The following KCNT2 variants were observed in gnomAD, a reference collection of about 807,000 sequenced individuals.
KCNT2 encodes potassium sodium-activated channel subfamily T member 2.
In KCNT2, 67 loss-of-function variants were observed where a neutral mutation model predicts 153.8. The ratio of observed to expected loss-of-function variants is 0.44; its 90% CI spans 0.36 to 0.53. The LOEUF is 0.53. KCNT2 is among the 20% of genes least tolerant of loss of function. KCNT2 has a pLI of 0.00. For synonymous variants in KCNT2, 500 were observed against 458.8 expected (o/e 1.09, Z -1.15); for missense variants, 975 against 1,354.8 (o/e 0.72, Z 4.40).
intron 19 of KCNT2, among the ~76,000 whole-genome samples, chr1:196,321,081 A>G (rs989160453): frequency 2.0e-5 from 3 of 151,642 alleles, no homozygotes; most frequent in Non-Finnish European, 4.4e-5. Context: ...AGATCCTGAT[A>G]TATGTTTTCA....
intron 14 of KCNT2, among the ~76,000 whole-genome samples, chr1:196,371,764 G>A (rs897172648): frequency 6.6e-6 from 1 of 151,862 alleles, no homozygotes; most frequent in Non-Finnish European, 1.5e-5. Context: ...AGGCAATACT[G>A]TTTGTCAATA....
intron 22 of KCNT2, among the ~76,000 whole-genome samples, chr1:196,292,371 A>G (rs1055891886): frequency 6.6e-6 from 1 of 152,228 alleles, no homozygotes; most frequent in African/African-American, 2.4e-5. Flanking sequence ...ATTACACTCA[A>G]TGGTAGAAAG....
At chr1:196,552,033 T>C (rs1452793608) in intron 1 of KCNT2, among the ~76,000 whole-genome samples, 1 of 151,562 alleles carries the variant, frequency 6.6e-6, no homozygotes, top group African/African-American at 2.4e-5. Flanking sequence ...TTTATAAATA[T>C]AGTGAACCTC....
intron 25 of KCNT2, among the ~76,000 whole-genome samples, chr1:196,265,991 C>A (rs548024787): frequency 6.6e-6 from 1 of 152,140 alleles, no homozygotes; most frequent in South Asian, 2.1e-4. Flanking sequence ...AAACAACAAA[C>A]AAACAAAAAA....
intron 8 of KCNT2, among the ~76,000 whole-genome samples, chr1:196,462,310 T>C (rs1677220245): frequency 6.6e-6 from 1 of 151,686 alleles, no homozygotes; most frequent in Non-Finnish European, 1.5e-5. Context: ...CGCAATGCTG[T>C]GTGTCATTGA....
chr1:196,281,697 TG>T (rs1659112589), intron 24 of KCNT2, among the ~76,000 whole-genome samples: 1 of 151,982 alleles, frequency 6.6e-6, no homozygotes, highest in African/African-American at 2.4e-5. Context: ...ACCGTTTTTG[TG>T]GACAGTATAG....
chr1:196,305,725 A>G (rs1395797571), intron 21 of KCNT2, among the ~76,000 whole-genome samples: 1 of 152,168 alleles, frequency 6.6e-6, no homozygotes, highest in Non-Finnish European at 1.5e-5. Flanking sequence ...CAAAAATTTC[A>G]CATAATGAGC....
At chr1:196,423,604 C>A (rs1673397362) in intron 11 of KCNT2, among the ~76,000 whole-genome samples, 1 of 151,490 alleles carries the variant, frequency 6.6e-6, no homozygotes, top group Non-Finnish European at 1.5e-5. Flanking sequence ...TTCAATATTT[C>A]TTAAGTTTAG....
At chr1:196,433,587 G>A (rs757977482) in intron 8 of KCNT2, among the ~76,000 whole-genome samples, 12 of 151,942 alleles carry the variant, frequency 7.9e-5, no homozygotes, top group Non-Finnish European at 1.8e-4. Flanking sequence ...TAAATTTTAT[G>A]ACACATATAT....
intron 1 of KCNT2, among the ~76,000 whole-genome samples, chr1:196,602,976 C>CG (rs1664922167): frequency 6.6e-6 from 1 of 150,450 alleles, no homozygotes; most frequent in South Asian, 2.1e-4. Context: ...TTAGTAGAGA[C>CG]GGGGTTTCAC....
intron 1 of KCNT2, among the ~76,000 whole-genome samples, chr1:196,555,747 A>T (rs1383604359): frequency 6.6e-6 from 1 of 151,538 alleles, no homozygotes; most frequent in African/African-American, 2.4e-5. Context: ...GATTCAAATT[A>T]TACTGCAAAG....
intron 5 of KCNT2, among the ~76,000 whole-genome samples, chr1:196,478,926 A>G (rs573329373): frequency 6.6e-6 from 1 of 152,322 alleles, no homozygotes; most frequent in South Asian, 2.1e-4. Context: ...GAACCATTCC[A>G]TTTGCTTGTC....
intron 26 of KCNT2, among the ~76,000 whole-genome samples, chr1:196,239,234 G>T (rs542101784): frequency 6.6e-6 from 1 of 151,324 alleles, no homozygotes; most frequent in Non-Finnish European, 1.5e-5. Context: ...ACCAAAATAC[G>T]ACATTAGCAA....
intron 12 of KCNT2, among the ~76,000 whole-genome samples, chr1:196,411,162 C>T (rs1164447047): frequency 7.0e-6 from 1 of 143,592 alleles, no homozygotes; most frequent in Non-Finnish European, 1.5e-5. Context: ...TCTTTTTTTC[C>T]TTCTGTTGAA....
Position 196,225,795 on chromosome 1 carries a change from T to C in KCNT2, c.*2429A>G, listed in dbSNP as rs1653446629. ...AATCAAGAGTTTTCATCATTAGAAA[T>C]AATTTTATTATTTATTTTAAAGCAG... On this transcript the variant is annotated 3_prime_UTR_variant, in exon 28 of 28. Transcript: ENST00000294725. 1 of 152,136 alleles carries C rather than the reference T, an allele frequency of 6.6e-6. No individual in the cohort carries two copies. The highest frequency in any genetic ancestry group is 2.1e-4 in the South Asian group (1 of 4,830). The allele number at this position is 152,136 out of a possible 1,614,324, so 9.4% of individuals were successfully genotyped here. A position where few individuals can be genotyped will look rare whatever the true frequency, so the allele number is the denominator to read the frequency against.
chr1:196,278,220 T>C (rs1658763240), intron 25 of KCNT2, among the ~76,000 whole-genome samples: 2 of 152,188 alleles, frequency 1.3e-5, no homozygotes, highest in South Asian at 2.1e-4. Flanking sequence ...GGCTCAACTG[T>C]AGCACTCAGT....
chr1:196,512,652 T>C (rs1681726091), intron 1 of KCNT2, among the ~76,000 whole-genome samples: 1 of 152,214 alleles, frequency 6.6e-6, no homozygotes, highest in South Asian at 2.1e-4. Flanking sequence ...GCAATGAACA[T>C]GTTCAGTTGA....
At chr1:196,440,422 AT>A (rs1675124956) in intron 8 of KCNT2, among the ~76,000 whole-genome samples, 1 of 151,988 alleles carries the variant, frequency 6.6e-6, no homozygotes, top group African/African-American at 2.4e-5. Flanking sequence ...ACTAATATTT[AT>A]TGTGTATCTC....
chr1:196,278,453 A>T (rs193052642), intron 25 of KCNT2, among the ~76,000 whole-genome samples: 7 of 152,310 alleles, frequency 4.6e-5, no homozygotes, highest in African/African-American at 1.2e-4. Flanking sequence ...TCCTTTTATC[A>T]TCCCAATGAT....
Sources: gnomAD v4.1 joint callset for allele counts (sites outside exome capture counted in the v4.1 genomes callset) on GRCh38, gnomAD v4.1.1 for gene constraint, MANE v1.5 for transcripts, NCBI Gene and HGNC (gene_info 2026-07-23, HGNC 2026-07-21) for gene names.